Variants in SPATA6 observed in about 807,000 individuals in gnomAD.
The protein encoded by SPATA6 is spermatogenesis associated 6.
Under a neutral mutation model 65.3 loss-of-function variants are expected in SPATA6, and 56 were observed. The ratio of observed to expected loss-of-function variants is 0.86; its 90% CI spans 0.69 to 1.07. The LOEUF (loss-of-function observed/expected upper bound fraction) is 1.07, where lower values mean the gene tolerates loss of function less well. Among genes scored for constraint, SPATA6 ranks in the 50% least tolerant of loss-of-function variants. The pLI is 0.00. For missense variants in SPATA6, 590 were observed against 594.8 expected, an observed-to-expected ratio of 0.99 and a Z score of 0.08; for synonymous variants, 199 against 213.2, an observed-to-expected ratio of 0.93 and a Z score of 0.58.
chr1:48,305,799 T>G lies in SPATA6; in HGVS notation c.1274A>C (p.Asp425Ala). ...LLCRDSAYDS[D>A]PEYSSCQQPR... ...ATTTCATTCATACCTATACTCGGGG[T>G]CACTGTCATAGGCAGAGTCTCTACA... The change falls in exon 12 of 13, where the codon GAC becomes GCC. Residue 425 changes from aspartate (D) to alanine (A), a missense_variant. Coordinates refer to ENST00000371847, the MANE Select transcript of SPATA6 (RefSeq NM_019073.4). The G allele has an allele frequency of 6.2e-7, 1 of 1,610,502 alleles. No homozygotes were observed. The highest frequency in any genetic ancestry group is 8.5e-7 in the Non-Finnish European group (1 of 1,177,852).
chr1:48,319,035 A>C (rs2148695407), intron 11 of SPATA6, among the ~76,000 whole-genome samples: 1 of 152,316 alleles, frequency 6.6e-6, no homozygotes, highest in South Asian at 2.1e-4. Flanking sequence ...CTTTTTAAGA[A>C]ATGGTGCTGT....
At chr1:48,445,524 G>T (rs1008398787) in intron 3 of SPATA6, among the ~76,000 whole-genome samples, 1 of 151,932 alleles carries the variant, frequency 6.6e-6, no homozygotes. Flanking sequence ...GCCGGGCGTG[G>T]TGGCAGGCGC....
At chr1:48,409,158 G>A (rs1651979100) in intron 5 of SPATA6, among the ~76,000 whole-genome samples, 1 of 152,202 alleles carries the variant, frequency 6.6e-6, no homozygotes, top group African/African-American at 2.4e-5. Flanking sequence ...AGATACAACG[G>A]GGGTATAGGC....
intron 3 of SPATA6, chr1:48,437,251 T>C (rs1655022913): frequency 6.2e-7 from 1 of 1,600,558 alleles, no homozygotes; most frequent in Non-Finnish European, 8.5e-7. Flanking sequence ...ATGTCCTATA[T>C]ACTTGACACT....
Position 48,355,720 on chromosome 1 carries a change from G to A in SPATA6, c.1144C>T (p.Arg382Trp), listed in dbSNP as rs148746931. Residue 382 changes from arginine (R) to tryptophan (W), a missense_variant, in exon 11 of 13, where the codon CGG becomes TGG. Arg to Trp is a moderately radical substitution (Grantham distance 101, BLOSUM62 -3). Transcript: ENST00000371847. ...TGTGATTTCAAGACATTTTTTACCC[G>A]GTCATGGATCTCATCGCAGTTTGAA... ...SPSNCDEIHD[R>W]VKNVLKSHQA... The A allele has an allele frequency of 1.4e-5, 22 of 1,612,638 alleles. No individual in the cohort carries two copies. The Admixed American group carries it at 1.7e-4, about 12-fold the overall frequency.
the SPATA6 span, among the ~76,000 whole-genome samples, chr1:48,261,883 G>A: frequency 6.6e-6 from 1 of 152,056 alleles, no homozygotes; most frequent in African/African-American, 2.4e-5. Flanking sequence ...CAAACATTAA[G>A]ATTACAAGAA....
intron 8 of SPATA6, among the ~76,000 whole-genome samples, chr1:48,391,310 G>A (rs1203376749): frequency 1.3e-5 from 2 of 151,754 alleles, no homozygotes; most frequent in East Asian, 1.9e-4. Context: ...CAGGGAAGTC[G>A]AGGTTGCAGT....
At chr1:48,317,734 A>G (rs1226494408) in intron 11 of SPATA6, among the ~76,000 whole-genome samples, 4 of 152,224 alleles carry the variant, frequency 2.6e-5, no homozygotes, top group African/African-American at 7.2e-5. Flanking sequence ...TCATGGTGTT[A>G]TATATTTAAG....
intron 11 of SPATA6, among the ~76,000 whole-genome samples, chr1:48,350,609 C>T (rs72893224): frequency 0.025 from 3,747 of 151,892 alleles, 100 homozygotes; most frequent in African/African-American, 0.067. Flanking sequence ...AAATCTAGAA[C>T]CATTTGTTTA....
At chr1:48,295,354 A>T (rs1644795780), downstream of SPATA6, 1 of 152,226 alleles carries the variant, frequency 6.6e-6, no homozygotes, top group African/African-American at 2.4e-5. Flanking sequence ...TATCAATTGA[A>T]TGGATAAACA....
At chr1:48,363,928 C>T (rs186293778) in intron 9 of SPATA6, among the ~76,000 whole-genome samples, 1 of 151,922 alleles carries the variant, frequency 6.6e-6, no homozygotes, top group East Asian at 1.9e-4. Context: ...ATTAGGTATA[C>T]CTCTTAATGC....
intron 3 of SPATA6, among the ~76,000 whole-genome samples, chr1:48,433,564 T>C (rs1027350675): frequency 3.3e-5 from 5 of 152,178 alleles, no homozygotes; most frequent in African/African-American, 4.8e-5. Flanking sequence ...AGAAATATTA[T>C]AGCAAAATAG....
intron 3 of SPATA6, among the ~76,000 whole-genome samples, chr1:48,423,473 A>C (rs1653540393): frequency 6.6e-6 from 1 of 151,400 alleles, no homozygotes; most frequent in Non-Finnish European, 1.5e-5. Flanking sequence ...AAAAAAAAAA[A>C]AAACAGAAAA....
At chr1:48,369,747 G>A (rs575040971) in intron 9 of SPATA6, among the ~76,000 whole-genome samples, 27 of 152,330 alleles carry the variant, frequency 1.8e-4, no homozygotes, top group South Asian at 1.0e-3. Flanking sequence ...GCAATGCCTC[G>A]TCCTGCTTTG....
intron 12 of SPATA6, among the ~76,000 whole-genome samples, chr1:48,303,853 T>C (rs1644996531): frequency 1.3e-5 from 2 of 152,236 alleles, no homozygotes; most frequent in Admixed American, 1.3e-4. Flanking sequence ...TAAATTGTTT[T>C]TGACAATTCT....
At chr1:48,399,225 G>C in intron 7 of SPATA6, 126 bp downstream of exon 7, 2 of 1,108,290 alleles carry the variant, frequency 1.8e-6, no homozygotes, top group Non-Finnish European at 2.5e-6. Context: ...TAGACTGCTA[G>C]GGTAGCAGTC....
At chr1:48,412,243 C>T (rs1035875910) in intron 4 of SPATA6, among the ~76,000 whole-genome samples, 1 of 152,122 alleles carries the variant, frequency 6.6e-6, no homozygotes, top group Admixed American at 6.6e-5. Flanking sequence ...AGAAATGAAA[C>T]TAGCCTCTAT....
At chr1:48,372,957 C>T (rs1214434932) in intron 9 of SPATA6, among the ~76,000 whole-genome samples, 1 of 152,188 alleles carries the variant, frequency 6.6e-6, no homozygotes, top group African/African-American at 2.4e-5. Context: ...CATGAAATCA[C>T]TTTTTCCCAC....
rs187921034 is a variant in SPATA6, at chr1:48,399,428, G to A, written c.703C>T (p.Arg235Trp). Residue 235 changes from arginine (R) to tryptophan (W), a missense_variant, in exon 7 of 13, where the codon CGG (arginine) becomes TGG (tryptophan). Physicochemically the swap from Arg to Trp is moderately radical, Grantham distance 101 (BLOSUM62 -3). Coordinates refer to ENST00000371847, the MANE Select transcript of SPATA6 (RefSeq NM_019073.4). The part of the protein sequence containing the change: ...RMCELSEDTR[R>W]RLAHLNLGPY... Reference sequence around the variant, plus strand: ...CCCAGATTTAAATGGGCCAGCCGCCGCCTGGTGTCTTCAGATAGCTCACAC... The same window carrying A: ...CCCAGATTTAAATGGGCCAGCCGCCACCTGGTGTCTTCAGATAGCTCACAC... The A allele has an allele frequency of 9.9e-6, 16 of 1,613,182 alleles. No individual in the cohort carries two copies. The highest frequency in any genetic ancestry group is 5.5e-5 in the South Asian group (5 of 91,036).
Sources: allele counts gnomAD v4.1 joint callset (sites outside exome capture counted in the v4.1 genomes callset), GRCh38; gene constraint gnomAD v4.1.1; transcripts MANE v1.5; gene names NCBI Gene and HGNC (gene_info 2026-07-23, HGNC 2026-07-21).